The following ZNF565 variants were observed in gnomAD, a reference collection of about 807,000 sequenced individuals.
ZNF565 encodes the protein zinc finger protein 565.
In ZNF565, 27 loss-of-function variants were observed where a neutral mutation model predicts 39.4. The ratio of observed to expected loss-of-function variants is 0.69; its 90% CI spans 0.51 to 0.95. The LOEUF is 0.95. ZNF565 is among the 40% of genes least tolerant of loss of function. The pLI is 0.00. For missense variants in ZNF565, 524 were observed against 621.1 expected (o/e 0.84, Z 1.66); for synonymous variants, 185 against 216.6 (o/e 0.85, Z 1.28).
At chr19:36,235,327 C>T (rs538104180) in intron 1 of ZNF565, among the ~76,000 whole-genome samples, 1 of 152,164 alleles carries the variant, frequency 6.6e-6, no homozygotes, top group Non-Finnish European at 1.5e-5. Flanking sequence ...TGTTATACAA[C>T]TTGCTAAATT....
At chr19:36,224,992 T>TA (rs1189052396) in intron 1 of ZNF565, among the ~76,000 whole-genome samples, 2 of 152,198 alleles carry the variant, frequency 1.3e-5, no homozygotes, top group Admixed American at 6.5e-5. Flanking sequence ...TTATTTGTAA[T>TA]TAGATTATAT....
At chr19:36,194,150 G>A in intron 4 of ZNF565, 83 bp downstream of exon 4, 1 of 1,161,700 alleles carries the variant, frequency 8.6e-7, no homozygotes, top group Admixed American at 2.4e-5. Flanking sequence ...GGGCTTTGAG[G>A]GAACTTCCCA....
intron 1 of ZNF565, among the ~76,000 whole-genome samples, chr19:36,231,021 G>A (rs987192701): frequency 1.3e-5 from 2 of 151,892 alleles, no homozygotes; most frequent in African/African-American, 4.8e-5. Context: ...GGGCTTATAT[G>A]TATATATATT....
rs1977443262 is a variant in ZNF565, at chr19:36,232,773, T to TA, written c.55+12702dup. ...ATAGGAGCATGCCACCACATCCAGC[T>TA]AATTTTTTGTATTTTTAGTAGAGAC... On this transcript the variant is annotated intron_variant, in intron 1 of 4. Coordinates refer to the ZNF565 transcript ENST00000355114. Among the ~76,000 whole-genome samples the TA allele has an allele frequency of 2.0e-5, 3 of 152,082 alleles. No homozygotes were observed. In the South Asian group the frequency reaches 6.2e-4, roughly 31 times the overall value.
intron 1 of ZNF565, among the ~76,000 whole-genome samples, chr19:36,202,880 C>G (rs1383530512): frequency 1.3e-5 from 2 of 152,164 alleles, no homozygotes; most frequent in Non-Finnish European, 2.9e-5. Flanking sequence ...CCCAGCTATA[C>G]TCACCAGACA....
intron 1 of ZNF565, chr19:36,237,079 A>G (rs1302944705): frequency 1.9e-6 from 3 of 1,614,178 alleles, no homozygotes; most frequent in Admixed American, 1.7e-5. Flanking sequence ...AACCTTACGA[A>G]TGCAATGTTT....
At chr19:36,201,950 C>G (rs1228825694) in intron 2 of ZNF565, 27 bp downstream of exon 2, 1 of 1,613,178 alleles carries the variant, frequency 6.2e-7, no homozygotes, top group Admixed American at 1.7e-5. Context: ...ACAGATCATT[C>G]TAAGGATAGA....
chr19:36,220,521 C>T (rs1461275367), intron 1 of ZNF565, among the ~76,000 whole-genome samples: 5 of 152,132 alleles, frequency 3.3e-5, no homozygotes, highest in South Asian at 2.1e-4. Flanking sequence ...CATGCCACCA[C>T]GCCCAGCTAA....
chr19:36,225,139 C>G (rs575330229), intron 1 of ZNF565, among the ~76,000 whole-genome samples: 1 of 152,120 alleles, frequency 6.6e-6, no homozygotes, highest in Admixed American at 6.5e-5. Context: ...TGGTCAGATA[C>G]AGATTATGAT....
At position 36,245,162 on chromosome 19, in the gene ZNF565, T is replaced by G. The variant is rs2029886836; in HGVS notation, c.55+314A>C. ...CTTGCGAGAGCCATGGATTCGCATT[T>G]GCGCAGAGTCGGGGTCTGTTGCTAC... On this transcript the variant is annotated intron_variant, in intron 1 of 4. Coordinates refer to the ZNF565 transcript ENST00000355114. The surrounding 1 kb of genome is among the most constrained non-coding windows in gnomAD (Gnocchi z 4.4). Among the ~76,000 whole-genome samples the G allele has an allele frequency of 6.6e-6, 1 of 152,244 alleles. No individual in the cohort carries two copies. Among genetic ancestry groups the G allele is most frequent in the Non-Finnish European group, 1.5e-5 (1 of 68,044 alleles).
At chr19:36,196,092 A>G (rs1975751824) in intron 2 of ZNF565, among the ~76,000 whole-genome samples, 1 of 151,654 alleles carries the variant, frequency 6.6e-6, no homozygotes, top group Admixed American at 6.6e-5. Context: ...GTGCGCCGCC[A>G]CACTTGGCTA....
At chr19:36,195,001 G>A (rs374659810) in intron 3 of ZNF565, 29 bp downstream of exon 3, 39 of 1,613,844 alleles carry the variant, frequency 2.4e-5, no homozygotes, top group Middle Eastern at 1.6e-4. Flanking sequence ...CTTGCTTTCC[G>A]TCTGGCCCGT....
chr19:36,237,031 A>G (rs1977668345), intron 1 of ZNF565: 3 of 1,614,200 alleles, frequency 1.9e-6, no homozygotes, highest in Middle Eastern at 3.3e-4. Context: ...CTCAGCGAAC[A>G]TCACTTATTG....
At chr19:36,225,054 C>T (rs2432049) in intron 1 of ZNF565, among the ~76,000 whole-genome samples, 52,227 of 152,010 alleles carry the variant, frequency 0.34, 9,508 homozygotes, top group South Asian at 0.48. Flanking sequence ...GAAATGCCTT[C>T]AGTGTTTTTC....
chr19:36,182,727 A>T lies in ZNF565; in HGVS notation c.1239T>A (p.His413Gln). Residue 413 changes from histidine to glutamine, a missense_variant, in exon 5 of 5, where the codon CAT becomes CAA. Physicochemically the swap from His to Gln is conservative, Grantham distance 24. Coordinates refer to ENST00000304116, the MANE Select transcript of ZNF565 (RefSeq NM_152477.5). ...SSYLIQHQRI[H>Q]TGDKPYECKE... ...TACATTCGTAGGGTTTGTCACCTGT[A>T]TGAATTCTTTGATGTTGAATGAGGT... 1 of 1,613,840 alleles carries T rather than the reference A, an allele frequency of 6.2e-7. No individual in the cohort carries two copies. Among genetic ancestry groups the T allele is most frequent in the Non-Finnish European group, 8.5e-7 (1 of 1,179,928 alleles).
intron 1 of ZNF565, among the ~76,000 whole-genome samples, chr19:36,229,519 A>G (rs1373010185): frequency 1.3e-5 from 2 of 152,262 alleles, no homozygotes; most frequent in East Asian, 3.9e-4. Context: ...GTTTTTTTGC[A>G]AAGTTGTGGT....
intron 1 of ZNF565, among the ~76,000 whole-genome samples, chr19:36,230,404 T>TA (rs1177449597): frequency 1.3e-5 from 2 of 152,078 alleles, no homozygotes; most frequent in African/African-American, 4.8e-5. Context: ...AGTAAATACT[T>TA]AAAAAATGTA....
At chr19:36,202,779 C>A (rs766187057) in intron 1 of ZNF565, among the ~76,000 whole-genome samples, 32 of 152,122 alleles carry the variant, frequency 2.1e-4, no homozygotes, top group Non-Finnish European at 1.0e-4. Flanking sequence ...CAGGCAAAAC[C>A]TCCTGGGCAT....
At chr19:36,207,542 CAA>C (rs58690929) in intron 1 of ZNF565, among the ~76,000 whole-genome samples, 3 of 145,422 alleles carry the variant, frequency 2.1e-5, no homozygotes, top group African/African-American at 2.5e-5. Context: ...CCATCTCAAA[CAA>C]AAAAAAAAAT....
Sources: gnomAD v4.1 joint callset for allele counts (sites outside exome capture counted in the v4.1 genomes callset) on GRCh38, gnomAD v4.1.1 for gene constraint, Gnocchi (gnomAD v3.1) non-coding constraint, MANE v1.5 for transcripts, NCBI Gene and HGNC (gene_info 2026-07-23, HGNC 2026-07-21) for gene names.